ZNF532: variants seen among roughly 807,000 people sequenced by gnomAD.
ZNF532 encodes zinc finger protein 532.
A neutral mutation model predicts 89.3 loss-of-function variants in ZNF532; 22 were observed. The ratio of observed to expected loss-of-function variants is 0.25; its 90% CI spans 0.18 to 0.35. ZNF532 has a LOEUF of 0.35. Among genes scored for constraint, ZNF532 ranks in the 10% least tolerant of loss-of-function variants. The pLI is 1.00. For missense variants in ZNF532, 1,132 were observed against 1,643.4 expected (o/e 0.69, Z 5.38); for synonymous variants, 606 against 649.6 (o/e 0.93, Z 1.02).
chr18:58,972,979 G>A (rs1347211363), intron 7 of ZNF532, among the ~76,000 whole-genome samples: 2 of 152,146 alleles, frequency 1.3e-5, no homozygotes, highest in South Asian at 2.1e-4. Context: ...AGCTTATGGG[G>A]GAGGGAAAAT....
At position 58,936,933 on chromosome 18, in the gene ZNF532, G is replaced by A. The variant is rs146270415; in HGVS notation, c.2528+2319G>A. On this transcript the variant is annotated intron_variant, in intron 4 of 9. Transcript: ENST00000591808. Reference sequence around the variant, plus strand: ...TCTAATGTAGCAGCATGGTTCCCACGCCTTACTTTGTCTCGTCTTGGTGCA... The same window carrying A: ...TCTAATGTAGCAGCATGGTTCCCACACCTTACTTTGTCTCGTCTTGGTGCA... Among the ~76,000 whole-genome samples the A allele has an allele frequency of 6.6e-5, 10 of 152,138 alleles. No homozygotes were observed. The East Asian group carries it at 1.7e-3, about 26-fold the overall frequency.
At chr18:58,972,288 A>C (rs567617596) in intron 7 of ZNF532, among the ~76,000 whole-genome samples, 4 of 152,336 alleles carry the variant, frequency 2.6e-5, no homozygotes, top group African/African-American at 9.6e-5. Context: ...CAATATGTAT[A>C]ATATAGATCG....
chr18:58,883,632 G>C (rs1804713675), intron 2 of ZNF532, among the ~76,000 whole-genome samples: 1 of 152,150 alleles, frequency 6.6e-6, no homozygotes, highest in South Asian at 2.1e-4. Context: ...AGGCATCCCT[G>C]CTCACATAAA....
chr18:58,865,718 T>C (rs1430363680), intron 2 of ZNF532, 139 bp downstream of exon 2: 1 of 152,300 alleles, frequency 6.6e-6, no homozygotes, highest in Non-Finnish European at 1.5e-5. Flanking sequence ...TATCCCAGTT[T>C]AATGGGATTA....
At chr18:58,893,718 T>C (rs564744442) in intron 2 of ZNF532, among the ~76,000 whole-genome samples, 1 of 151,920 alleles carries the variant, frequency 6.6e-6, no homozygotes, top group East Asian at 1.9e-4. Flanking sequence ...TGGACCCACA[T>C]GCTTATTATA....
intron 2 of ZNF532, among the ~76,000 whole-genome samples, chr18:58,882,497 A>G (rs936663966): frequency 6.6e-6 from 1 of 152,206 alleles, no homozygotes; most frequent in Admixed American, 6.5e-5. Flanking sequence ...GCTGGAGTGC[A>G]GTGATCTGAT....
Position 58,885,619 on chromosome 18 carries a change from C to T in ZNF532, c.-18+20040C>T, listed in dbSNP as rs577230846. On this transcript the variant is annotated intron_variant, in intron 2 of 9. Coordinates refer to ENST00000591808, the MANE Select transcript of ZNF532 (RefSeq NM_001375912.1). Reference sequence around the variant, plus strand: ...CCTGTAATCCCAGCATTTTGGGAGGCCGAGGAGGGTGAATTACTTGAGGTC... The same window carrying T: ...CCTGTAATCCCAGCATTTTGGGAGGTCGAGGAGGGTGAATTACTTGAGGTC... 5.9e-5 allele frequency among the ~76,000 whole-genome samples: 9 copies of T among 152,060 alleles called. No homozygotes were observed. The South Asian group carries it at 1.9e-3, about 32-fold the overall frequency.
chr18:58,934,230 T>C, intron 3 of ZNF532: 1 of 503,858 alleles, frequency 2.0e-6, no homozygotes, highest in Non-Finnish European at 3.5e-6. Context: ...CCTGACTAGA[T>C]AGCACATACT....
chr18:58,873,955 G>A (rs532531356), intron 2 of ZNF532, among the ~76,000 whole-genome samples: 25 of 152,212 alleles, frequency 1.6e-4, no homozygotes, highest in African/African-American at 6.0e-4. Flanking sequence ...TAAACCATAC[G>A]TTTCCTGAGG....
rs566531022 is a variant in ZNF532, at chr18:58,866,043, G to C, written c.-18+464G>C. 2.6e-5 allele frequency among the ~76,000 whole-genome samples: 4 copies of C among 152,304 alleles called. 1 individual carries two copies. In the South Asian group the frequency reaches 8.3e-4, roughly 32 times the overall value. ...CACCTTTCTTTTACCTTGCTCTCTT[G>C]TGTTAACCTGAAAGGTTTTTCACTC... is the stretch of plus-strand genomic sequence containing the variant. On this transcript the variant is annotated intron_variant, in intron 2 of 9. Coordinates refer to ENST00000591808, the MANE Select transcript of ZNF532 (RefSeq NM_001375912.1).
In ZNF532 at chr18:58,983,604, C is replaced by G. The variant is rs542616698; in HGVS notation, c.3412-368C>G. Among the ~76,000 whole-genome samples the G allele has an allele frequency of 3.6e-3, 545 of 152,268 alleles. 4 individuals are homozygous for G. Among genetic ancestry groups the G allele is most frequent in the African/African-American group, 0.012 (515 of 41,568 alleles). The stretch of plus-strand genomic sequence containing the variant: ...CACCTAGCAGCCACACATATACCCC[C>G]CCCTTGCTTCCCATGGCCCTCATCC... On this transcript the variant is annotated intron_variant, in intron 9 of 9. Coordinates refer to ENST00000591808, the MANE Select transcript of ZNF532 (RefSeq NM_001375912.1).
intron 7 of ZNF532, among the ~76,000 whole-genome samples, chr18:58,978,363 A>G (rs1328516542): frequency 2.0e-5 from 3 of 152,222 alleles, no homozygotes; most frequent in Non-Finnish European, 2.9e-5. Context: ...TTCATTTAAC[A>G]TGGCATACTG....
rs1568245677 is a variant in ZNF532, at chr18:58,888,752, TATAA to T, written c.-18+23175_-18+23178del. ...ATTATATATATATATTTTATATATA[TATAA>T]AATTAATATATATAATTTATATATA... On this transcript the variant is annotated intron_variant, in intron 2 of 9. Transcript: ENST00000591808. 2.7e-4 allele frequency among the ~76,000 whole-genome samples: 11 copies of T among 40,162 alleles called. No individual in the cohort carries two copies. The South Asian group carries it at 7.5e-3, about 27-fold the overall frequency. The allele number at this position is 40,162 out of a possible 152,430, so 26.3% of individuals were successfully genotyped here. A position where few individuals can be genotyped will look rare whatever the true frequency, so the allele number is the denominator to read the frequency against.
In ZNF532 at chr18:58,918,441, C is replaced by T; in HGVS notation, c.154C>T (p.His52Tyr). 6.2e-7 allele frequency: 1 copy of T among 1,614,194 alleles called. No homozygotes were observed. The highest frequency in any genetic ancestry group is 8.5e-7 in the Non-Finnish European group (1 of 1,180,040). ...KQNAHGEDDS[H>Y]APSSSDVGVS... Reference sequence around the variant, plus strand: ...GAATGCTCACGGAGAGGATGACTCCCACGCACCATCATCTTCTGATGTGGG... The same window carrying T: ...GAATGCTCACGGAGAGGATGACTCCTACGCACCATCATCTTCTGATGTGGG... Residue 52 changes from histidine to tyrosine, a missense_variant, in exon 3 of 10, where the codon CAC becomes TAC. Transcript: ENST00000591808.
intron 2 of ZNF532, among the ~76,000 whole-genome samples, chr18:58,903,966 GA>G (rs2059761104): frequency 6.6e-6 from 1 of 152,176 alleles, no homozygotes; most frequent in Non-Finnish European, 1.5e-5. Flanking sequence ...GGGAACAGTT[GA>G]ACTAATTTTT....
At chr18:58,949,362 A>G (rs2063945487) in intron 6 of ZNF532, among the ~76,000 whole-genome samples, 1 of 152,194 alleles carries the variant, frequency 6.6e-6, no homozygotes, top group Admixed American at 6.5e-5. Flanking sequence ...ACCCCATATT[A>G]TCAGGAACTC....
rs769688826 is a variant in ZNF532 at position 58,984,214 on chromosome 18, G to T, written c.3654G>T (p.Leu1218=). 6.2e-7 allele frequency: 1 copy of T among 1,611,864 alleles called. No homozygotes were observed. The highest frequency in any genetic ancestry group is 8.5e-7 in the Non-Finnish European group (1 of 1,179,842). ...TCTGCTACACGTCTCACGTCTCTCT[G>T]TCCAGGCACCTCTTCATCGTACACA... ...CGLCYTSHVS[L]SRHLFIVHKL... is the part of the protein sequence containing the mutation. The change falls in exon 10 of 10, where the codon CTG becomes CTT. Residue 1218 remains leucine (L), a synonymous_variant. Transcript: ENST00000591808.
intron 9 of ZNF532, among the ~76,000 whole-genome samples, chr18:58,982,095 C>T (rs543185479): frequency 2.6e-5 from 4 of 151,404 alleles, no homozygotes; most frequent in Admixed American, 1.3e-4. Context: ...ATCAGGAGTT[C>T]GAGACCAGCC....
At chr18:58,892,408 A>C (rs1353853198) in intron 2 of ZNF532, among the ~76,000 whole-genome samples, 3 of 152,302 alleles carry the variant, frequency 2.0e-5, no homozygotes, top group East Asian at 1.9e-4. Flanking sequence ...GGTATCTGGG[A>C]TATGTTACTG....
Sources: gnomAD v4.1 joint callset for allele counts (sites outside exome capture counted in the v4.1 genomes callset) on GRCh38, gnomAD v4.1.1 for gene constraint, MANE v1.5 for transcripts, NCBI Gene and HGNC (gene_info 2026-07-23, HGNC 2026-07-21) for gene names.